GLIS1: variants seen among roughly 807,000 people sequenced by gnomAD.
GLIS1 encodes the protein GLIS family zinc finger 1.
A neutral mutation model predicts 63.8 loss-of-function variants in GLIS1; 24 were observed. The ratio of observed to expected loss-of-function variants is 0.38; its 90% CI spans 0.27 to 0.53. GLIS1 has a LOEUF of 0.53. GLIS1 is among the 20% of genes least tolerant of loss of function. The pLI is 0.85. For synonymous variants in GLIS1, 450 were observed against 482.5 expected, an observed-to-expected ratio of 0.93 and a Z score of 0.88; for missense variants, 1,036 against 1,074.1, an observed-to-expected ratio of 0.96 and a Z score of 0.50.
chr1:53,654,371 G>C (rs1645941231), intron 2 of GLIS1, among the ~76,000 whole-genome samples: 2 of 152,210 alleles, frequency 1.3e-5, no homozygotes, highest in Admixed American at 1.3e-4. Context: ...GGTGAGAGGA[G>C]CAGGTCGGGG....
At chr1:53,620,272 C>T (rs1315398650) in intron 2 of GLIS1, among the ~76,000 whole-genome samples, 4 of 152,230 alleles carry the variant, frequency 2.6e-5, no homozygotes, top group East Asian at 1.9e-4. Flanking sequence ...GTACTTCTGA[C>T]GCCAGCTCAG....
At chr1:53,645,170 T>G (rs1645829946) in intron 2 of GLIS1, among the ~76,000 whole-genome samples, 1 of 152,204 alleles carries the variant, frequency 6.6e-6, no homozygotes, top group Non-Finnish European at 1.5e-5. Flanking sequence ...CCTAGAATGC[T>G]TCTCCCCCCC....
intron 4 of GLIS1, among the ~76,000 whole-genome samples, chr1:53,565,109 T>C (rs1233246023): frequency 6.6e-6 from 1 of 152,066 alleles, no homozygotes; most frequent in Non-Finnish European, 1.5e-5. Context: ...AATGTTCCTA[T>C]GTTTGGAAAA....
intron 2 of GLIS1, among the ~76,000 whole-genome samples, chr1:53,697,159 G>A (rs1002172567): frequency 1.3e-5 from 2 of 152,154 alleles, no homozygotes; most frequent in East Asian, 1.9e-4. Flanking sequence ...GTGGGAAGAC[G>A]GTCACAGCAA....
At chr1:53,546,222 A>T (rs1644697135) in intron 4 of GLIS1, among the ~76,000 whole-genome samples, 1 of 152,220 alleles carries the variant, frequency 6.6e-6, no homozygotes. Flanking sequence ...GATACTGGTG[A>T]CAGGCAGACT....
intron 2 of GLIS1, among the ~76,000 whole-genome samples, chr1:53,736,981 G>GA (rs34549385): frequency 0.69 from 104,388 of 150,774 alleles, 37,468 homozygotes; most frequent in Middle Eastern, 0.82. Context: ...TCCCCTAAGG[G>GA]AAAAAAAAAG....
intron 2 of GLIS1, among the ~76,000 whole-genome samples, chr1:53,734,562 C>G (rs1024798734): frequency 6.6e-6 from 1 of 152,200 alleles, no homozygotes; most frequent in Admixed American, 6.5e-5. Flanking sequence ...ACCTTAATGT[C>G]TGCATCTATA....
chr1:53,509,324 G>C, intron 9 of GLIS1, 37 bp from the exon 10 acceptor site: 3 of 1,520,630 alleles, frequency 2.0e-6, no homozygotes, highest in South Asian at 1.2e-5. Flanking sequence ...GTTCACAAAG[G>C]AGAAGTGCCC....
At chr1:53,621,261 C>A (rs751883580) in intron 2 of GLIS1, among the ~76,000 whole-genome samples, 1 of 152,228 alleles carries the variant, frequency 6.6e-6, no homozygotes, top group African/African-American at 2.4e-5. Flanking sequence ...CTGTATCCCC[C>A]CCAAGTCTCC....
chr1:53,655,845 G>A (rs1055266056), intron 2 of GLIS1, among the ~76,000 whole-genome samples: 3 of 152,132 alleles, frequency 2.0e-5, no homozygotes, highest in African/African-American at 4.8e-5. Context: ...GAGGCACCAC[G>A]AGCTGCATAT....
At chr1:53,556,213 G>GCAT (rs1644822863) in intron 4 of GLIS1, among the ~76,000 whole-genome samples, 1 of 101,556 alleles carries the variant, frequency 9.8e-6, no homozygotes. Flanking sequence ...GTGTATTGCA[G>GCAT]GTGTGTGTGT....
rs115754927 is a variant in GLIS1, at chr1:53,704,282, C to T, written c.259+33524G>A. On this transcript the variant is annotated intron_variant, in intron 2 of 10. Coordinates refer to ENST00000628545, the MANE Select transcript of GLIS1 (RefSeq NM_001367484.1). ...CCACCAGTTCCCACCTGCTCACTCTCAGCCTACTTTCCACCCCTTAAACCA... is the reference window on the plus strand; with the variant it reads ...CCACCAGTTCCCACCTGCTCACTCTTAGCCTACTTTCCACCCCTTAAACCA... 3.8e-3 allele frequency among the ~76,000 whole-genome samples: 584 copies of T among 152,378 alleles called. 5 individuals carry two copies. The highest frequency in any genetic ancestry group is 0.013 in the African/African-American group (528 of 41,590).
intron 2 of GLIS1, among the ~76,000 whole-genome samples, chr1:53,711,445 T>C (rs1204292702): frequency 6.6e-6 from 1 of 152,026 alleles, no homozygotes; most frequent in African/African-American, 2.4e-5. Context: ...AATAAATAAA[T>C]AAACAAATAA....
At position 53,506,554 on chromosome 1, in the gene GLIS1, A is replaced by G. The variant is rs533796399; in HGVS notation, c.*65T>C. ...TCCTGCTAGGTGCACGGAGGGTGGG[A>G]GCGACAGCAGGTGGGCGAGGTGGCA... On this transcript the variant is annotated 3_prime_UTR_variant, in exon 11 of 11. Transcript: ENST00000628545. 4.6e-6 allele frequency: 7 copies of G among 1,522,806 alleles called. No individual in the cohort carries two copies. The East Asian group carries it at 1.6e-4, about 34-fold the overall frequency. The allele number at this position is 1,522,806 out of a possible 1,614,324, so 94.3% of individuals were successfully genotyped here.
chr1:53,679,236 A>G (rs1646249105), intron 2 of GLIS1, among the ~76,000 whole-genome samples: 1 of 152,240 alleles, frequency 6.6e-6, no homozygotes, highest in Admixed American at 6.5e-5. Flanking sequence ...GGTGGCAGCC[A>G]CAAATGCCCC....
chr1:53,600,354 T>C (rs1269887336), intron 2 of GLIS1, 76 bp from the exon 3 acceptor site: 4 of 986,062 alleles, frequency 4.1e-6, no homozygotes, highest in South Asian at 5.2e-5. Flanking sequence ...GAGAGGGCAG[T>C]CCCTGGGGTA....
intron 3 of GLIS1, among the ~76,000 whole-genome samples, chr1:53,597,276 G>C (rs1034725771): frequency 7.3e-5 from 11 of 150,086 alleles, no homozygotes; most frequent in Non-Finnish European, 1.5e-4. Flanking sequence ...GGGAGCCTGA[G>C]GCAGGAGAAT....
intron 5 of GLIS1, among the ~76,000 whole-genome samples, chr1:53,529,161 C>T (rs72893350): frequency 1.6e-3 from 248 of 152,312 alleles, no homozygotes; most frequent in African/African-American, 5.6e-3. Context: ...CCTGGGCAGA[C>T]ATTGGAATAA....
At chr1:53,678,361 G>A (rs906806332) in intron 2 of GLIS1, among the ~76,000 whole-genome samples, 3 of 147,170 alleles carry the variant, frequency 2.0e-5, no homozygotes, top group Non-Finnish European at 3.0e-5. Context: ...GGGGAGCGGG[G>A]TCACTGCCTC....
Sources: allele counts gnomAD v4.1 joint callset (sites outside exome capture counted in the v4.1 genomes callset), GRCh38; gene constraint gnomAD v4.1.1; transcripts MANE v1.5; gene names NCBI Gene and HGNC (gene_info 2026-07-23, HGNC 2026-07-21).